The following GRID1 variants were observed in gnomAD, a reference collection of about 807,000 sequenced individuals.
The protein encoded by GRID1 is glutamate ionotropic receptor delta type subunit 1.
In GRID1, 28 loss-of-function variants were observed where a neutral mutation model predicts 98.0. The ratio of observed to expected loss-of-function variants is 0.29; its 90% CI spans 0.21 to 0.39. The LOEUF (loss-of-function observed/expected upper bound fraction) is 0.39. Ranked by LOEUF, GRID1 falls within the 10% of genes least tolerant of loss-of-function variation. The pLI is 1.00. For missense variants in GRID1, 1,111 were observed against 1,340.5 expected, an observed-to-expected ratio of 0.83 and a Z score of 2.67; for synonymous variants, 553 against 538.5, an observed-to-expected ratio of 1.03 and a Z score of -0.37.
intron 4 of GRID1, among the ~76,000 whole-genome samples, chr10:86,019,425 C>G (rs1367651341): frequency 6.6e-6 from 1 of 152,234 alleles, no homozygotes; most frequent in Non-Finnish European, 1.5e-5. Context: ...AGGGAGAGGG[C>G]TCCTGGGGAC....
At chr10:86,156,821 G>T (rs1327840060) in intron 3 of GRID1, among the ~76,000 whole-genome samples, 1 of 152,222 alleles carries the variant, frequency 6.6e-6, no homozygotes, top group African/African-American at 2.4e-5. Context: ...AGATAGGAGG[G>T]ATACCCTAAA....
At chr10:86,188,168 T>C (rs960211404) in intron 3 of GRID1, among the ~76,000 whole-genome samples, 1 of 152,244 alleles carries the variant, frequency 6.6e-6, no homozygotes, top group African/African-American at 2.4e-5. Flanking sequence ...TAGTTCTTCA[T>C]TGCACAGATG....
intron 2 of GRID1, among the ~76,000 whole-genome samples, chr10:86,304,259 A>G (rs1489207449): frequency 6.6e-6 from 1 of 152,210 alleles, no homozygotes; most frequent in Non-Finnish European, 1.5e-5. Context: ...TGTGTTTAAG[A>G]TGCACCAGGA....
At chr10:86,115,390 A>C (rs1263314703) in intron 4 of GRID1, among the ~76,000 whole-genome samples, 2 of 152,214 alleles carry the variant, frequency 1.3e-5, no homozygotes, top group East Asian at 3.8e-4. Context: ...CAGATGAATG[A>C]AAACTTGGAA....
chr10:85,936,518 T>TGA (rs112733912), intron 4 of GRID1, among the ~76,000 whole-genome samples: 4 of 145,878 alleles, frequency 2.7e-5, no homozygotes, highest in South Asian at 4.3e-4. Context: ...AGCACCAAAC[T>TGA]AAAAAAAAAA....
At chr10:85,816,892 G>T (rs1200161741) in intron 8 of GRID1, among the ~76,000 whole-genome samples, 1 of 152,024 alleles carries the variant, frequency 6.6e-6, no homozygotes, top group African/African-American at 2.4e-5. Context: ...AGAATCTGTT[G>T]TTCCCCTCCT....
Position 86,329,637 on chromosome 10 carries a change from T to G in GRID1, c.235+34304A>C, listed in dbSNP as rs190004891. Among the ~76,000 whole-genome samples the G allele has an allele frequency of 2.0e-5, 3 of 152,286 alleles. No individual in the cohort carries two copies. In the East Asian group the frequency reaches 5.8e-4, roughly 29 times the overall value. On this transcript the variant is annotated intron_variant, in intron 2 of 15. Coordinates refer to ENST00000327946, the MANE Select transcript of GRID1 (RefSeq NM_017551.3). ...CATCCCCTGGTCCACACTCACTGAC[T>G]GACCCCTGACCCCCAACCAGCCAAC...
At chr10:85,914,688 T>A (rs992459478) in intron 5 of GRID1, among the ~76,000 whole-genome samples, 1 of 152,172 alleles carries the variant, frequency 6.6e-6, no homozygotes, top group Admixed American at 6.5e-5. Flanking sequence ...ATTATTAAAA[T>A]AAGCCACCCA....
chr10:86,068,728 G>A (rs1254923245), intron 4 of GRID1, among the ~76,000 whole-genome samples: 1 of 152,212 alleles, frequency 6.6e-6, no homozygotes, highest in African/African-American at 2.4e-5. Context: ...AACTTGCTCA[G>A]ATGGTGTCAC....
chr10:86,184,461 CTTTTTT>C (rs1198471392), intron 3 of GRID1, among the ~76,000 whole-genome samples: 5 of 123,042 alleles, frequency 4.1e-5, no homozygotes, highest in East Asian at 2.4e-4. Context: ...TTTCTTTTTT[CTTTTTT>C]TTTTTTTTTT....
chr10:85,943,863 T>C (rs961546434), intron 4 of GRID1, among the ~76,000 whole-genome samples: 1 of 152,218 alleles, frequency 6.6e-6, no homozygotes, highest in African/African-American at 2.4e-5. Flanking sequence ...AGGAGAGATA[T>C]CTACTTCCCC....
rs971298061 is a variant in GRID1 at position 86,192,216 on chromosome 10, T to C, written c.520+14148A>G. ...TGCGCACACACACACACATGGAGGC[T>C]CCAAGAGACGACATTCCTCTCCCAA... On this transcript the variant is annotated intron_variant, in intron 3 of 15. Transcript: ENST00000327946. This position sits in a 1 kb window ranked among gnomAD's most constrained non-coding sequence, Gnocchi z 4.8. 2.0e-5 allele frequency among the ~76,000 whole-genome samples: 3 copies of C among 151,924 alleles called. No homozygotes were observed. Among genetic ancestry groups the C allele is most frequent in the African/African-American group, 7.3e-5 (3 of 41,340 alleles).
chr10:86,034,948 GGATGGATA>G (rs1444522656), intron 4 of GRID1, among the ~76,000 whole-genome samples: 2 of 149,736 alleles, frequency 1.3e-5, no homozygotes, highest in African/African-American at 2.5e-5. Context: ...ATGGATGGAT[GGATGGATA>G]GATGGTTGGA....
chr10:86,163,380 C>A (rs113216820), intron 3 of GRID1, among the ~76,000 whole-genome samples: 1 of 151,188 alleles, frequency 6.6e-6, no homozygotes, highest in South Asian at 2.1e-4. Context: ...TGAGCATGAG[C>A]CCCAGAGCAG....
At chr10:86,343,032 C>A (rs181741195) in intron 2 of GRID1, among the ~76,000 whole-genome samples, 1 of 152,200 alleles carries the variant, frequency 6.6e-6, no homozygotes, top group Non-Finnish European at 1.5e-5. Context: ...CAACAGAGGA[C>A]TTTATGCAGC....
chr10:86,196,183 C>G (rs1235903910), intron 3 of GRID1, among the ~76,000 whole-genome samples: 1 of 152,032 alleles, frequency 6.6e-6, no homozygotes, highest in African/African-American at 2.4e-5. Context: ...ATTTTAGTCA[C>G]AGGTTTCCTC....
intron 4 of GRID1, among the ~76,000 whole-genome samples, chr10:86,035,832 G>A (rs536537026): frequency 6.6e-5 from 10 of 152,166 alleles, no homozygotes; most frequent in Non-Finnish European, 1.3e-4. Flanking sequence ...AGATACACAG[G>A]CCCAGTGAAA....
chr10:86,209,503 T>C (rs1846078182), intron 2 of GRID1, among the ~76,000 whole-genome samples: 1 of 152,056 alleles, frequency 6.6e-6, no homozygotes, highest in African/African-American at 2.4e-5. Flanking sequence ...CACGTGAAAA[T>C]ACCAGGGCAC....
chr10:85,888,759 T>G (rs1305405806), intron 5 of GRID1, among the ~76,000 whole-genome samples: 2 of 152,340 alleles, frequency 1.3e-5, no homozygotes, highest in African/African-American at 4.8e-5. Flanking sequence ...TTTTTACTAT[T>G]TCCTTTGTCT....
Sources: gnomAD v4.1 joint callset for allele counts (sites outside exome capture counted in the v4.1 genomes callset) on GRCh38, gnomAD v4.1.1 for gene constraint, Gnocchi (gnomAD v3.1) non-coding constraint, MANE v1.5 for transcripts, NCBI Gene and HGNC (gene_info 2026-07-23, HGNC 2026-07-21) for gene names.